The following PTPRT variants were observed in gnomAD, a reference collection of about 807,000 sequenced individuals.
PTPRT encodes the protein receptor-type tyrosine-protein phosphatase T.
In PTPRT, 56 loss-of-function variants were observed where a neutral mutation model predicts 176.8. The observed-to-expected ratio is 0.32, with a 90% CI of 0.26 to 0.40. PTPRT has a LOEUF of 0.40. Ranked by LOEUF, PTPRT falls within the 10% of genes least tolerant of loss-of-function variation. PTPRT has a pLI of 1.00. For missense variants in PTPRT, 1,540 were observed against 1,908.2 expected (o/e 0.81, Z 3.60); for synonymous variants, 783 against 739.0 (o/e 1.06, Z -0.96).
At chr20:42,713,156 TACACACACAC>T (rs11468862) in intron 6 of PTPRT, among the ~76,000 whole-genome samples, 1 of 148,078 alleles carries the variant, frequency 6.8e-6, no homozygotes, top group Non-Finnish European at 1.5e-5. Context: ...CACGCACACA[TACACACACAC>T]ACACACACAC....
At chr20:42,290,636 C>T (rs1044138557) in intron 12 of PTPRT, among the ~76,000 whole-genome samples, 2 of 151,956 alleles carry the variant, frequency 1.3e-5, no homozygotes, top group African/African-American at 4.8e-5. Context: ...TCATTTCATG[C>T]AAATAATTTT....
At chr20:42,503,282 T>C (rs1189282926) in intron 7 of PTPRT, among the ~76,000 whole-genome samples, 2 of 152,066 alleles carry the variant, frequency 1.3e-5, no homozygotes, top group African/African-American at 4.8e-5. Context: ...ATTAAATATT[T>C]GGATATTCTT....
At chr20:42,675,196 T>G (rs1330983307) in intron 7 of PTPRT, among the ~76,000 whole-genome samples, 1 of 152,214 alleles carries the variant, frequency 6.6e-6, no homozygotes, top group Admixed American at 6.5e-5. Context: ...ACTTCCCTGA[T>G]GCCCACTTCC....
intron 1 of PTPRT, among the ~76,000 whole-genome samples, chr20:42,990,705 T>A (rs1164796378): frequency 6.6e-6 from 1 of 152,222 alleles, no homozygotes; most frequent in East Asian, 1.9e-4. Context: ...GAAGTGACTT[T>A]GAAAATGTAG....
chr20:42,136,552 G>A (rs745820389), intron 18 of PTPRT, among the ~76,000 whole-genome samples: 1 of 152,062 alleles, frequency 6.6e-6, no homozygotes, highest in Non-Finnish European at 1.5e-5. Flanking sequence ...ACGCCCCTTT[G>A]TGGGGTCCTG....
intron 8 of PTPRT, among the ~76,000 whole-genome samples, chr20:42,470,263 C>T (rs2071169896): frequency 6.6e-6 from 1 of 152,174 alleles, no homozygotes; most frequent in Non-Finnish European, 1.5e-5. Context: ...ATCTCTCCTC[C>T]CCATCCCAGA....
chr20:42,188,624 G>C (rs189322851), intron 16 of PTPRT, among the ~76,000 whole-genome samples: 178 of 152,228 alleles, frequency 1.2e-3, no homozygotes, highest in African/African-American at 4.0e-3. Flanking sequence ...TGAGCAGAGG[G>C]GGGGAAATTG....
intron 23 of PTPRT, among the ~76,000 whole-genome samples, chr20:42,109,697 GT>G (rs1334137761): frequency 6.6e-6 from 1 of 152,154 alleles, no homozygotes; most frequent in Non-Finnish European, 1.5e-5. Flanking sequence ...CAGCACTTGA[GT>G]TTTTGTATCT....
chr20:42,640,538 A>G (rs1348275776), intron 7 of PTPRT, among the ~76,000 whole-genome samples: 2 of 152,020 alleles, frequency 1.3e-5, no homozygotes, highest in African/African-American at 2.4e-5. Context: ...AGAGGTGTGC[A>G]TTACCATGCC....
At chr20:42,211,073 T>C (rs2055613208) in intron 15 of PTPRT, among the ~76,000 whole-genome samples, 1 of 152,156 alleles carries the variant, frequency 6.6e-6, no homozygotes, top group African/African-American at 2.4e-5. Context: ...TAAATGGTGC[T>C]GGGTAAACTG....
intron 2 of PTPRT, among the ~76,000 whole-genome samples, chr20:42,884,793 C>T (rs1213377326): frequency 6.6e-6 from 1 of 152,146 alleles, no homozygotes; most frequent in Non-Finnish European, 1.5e-5. Context: ...AATGGCCTCC[C>T]TTCTCCAACA....
intron 2 of PTPRT, among the ~76,000 whole-genome samples, chr20:42,864,566 C>T (rs2078714645): frequency 6.6e-6 from 1 of 152,212 alleles, no homozygotes; most frequent in African/African-American, 2.4e-5. Context: ...GTCCCAATTG[C>T]ATGACCTTCA....
Position 42,663,987 on chromosome 20 carries a change from C to A in PTPRT, c.1153+13879G>T, listed in dbSNP as rs575398412. 5.7e-3 allele frequency among the ~76,000 whole-genome samples: 868 copies of A among 152,274 alleles called. 12 individuals are homozygous for A. The highest frequency in any genetic ancestry group is 0.02 in the African/African-American group (829 of 41,556). ...ATTATTTTGCTAGAAAAAAAATTAG[C>A]AAATTGTCCTCTTAACATGCTGTAC... On this transcript the variant is annotated intron_variant, in intron 7 of 30. Transcript: ENST00000373187.
intron 1 of PTPRT, among the ~76,000 whole-genome samples, chr20:43,070,743 C>T (rs1265338786): frequency 6.6e-6 from 1 of 151,906 alleles, no homozygotes; most frequent in Non-Finnish European, 1.5e-5. Context: ...CCAAACACTG[C>T]ATGTTCTCAC....
chr20:42,740,045 C>T (rs561794103), intron 6 of PTPRT, among the ~76,000 whole-genome samples: 2 of 152,276 alleles, frequency 1.3e-5, no homozygotes, highest in African/African-American at 4.8e-5. Flanking sequence ...GATGGTGGGT[C>T]TAGAATCGGA....
intron 7 of PTPRT, among the ~76,000 whole-genome samples, chr20:42,527,228 GCT>G (rs1157366947): frequency 1.3e-5 from 2 of 152,086 alleles, no homozygotes; most frequent in African/African-American, 4.8e-5. Flanking sequence ...CTCCCAAAGT[GCT>G]GGGATTACAG....
At chr20:42,901,175 G>A (rs762670972) in intron 1 of PTPRT, among the ~76,000 whole-genome samples, 19 of 152,026 alleles carry the variant, frequency 1.2e-4, no homozygotes, top group East Asian at 1.9e-4. Context: ...CCATACTTGC[G>A]TTGGCCCCCT....
At chr20:42,326,071 C>T (rs758355682) in intron 11 of PTPRT, among the ~76,000 whole-genome samples, 2 of 152,152 alleles carry the variant, frequency 1.3e-5, no homozygotes, top group Non-Finnish European at 2.9e-5. Flanking sequence ...TTACACTTTC[C>T]CTCTTAATTT....
chr20:42,875,341 G>A (rs959458134), intron 2 of PTPRT, among the ~76,000 whole-genome samples: 5 of 152,138 alleles, frequency 3.3e-5, no homozygotes, highest in Non-Finnish European at 5.9e-5. Flanking sequence ...TACTAAACCT[G>A]CGTTCAATTT....
Sources: gnomAD v4.1 joint callset for allele counts (sites outside exome capture counted in the v4.1 genomes callset) on GRCh38, gnomAD v4.1.1 for gene constraint, MANE v1.5 for transcripts, NCBI Gene and HGNC (gene_info 2026-07-23, HGNC 2026-07-21) for gene names.